SOX5: variants seen among roughly 807,000 people sequenced by gnomAD.
The protein encoded by SOX5 is SRY-box transcription factor 5.
SOX5 carries 9 observed loss-of-function variants against 92.0 expected under a neutral mutation model. The observed-to-expected ratio is 0.10, with a 90% CI of 0.06 to 0.17. The LOEUF (loss-of-function observed/expected upper bound fraction) is 0.17, where lower values mean the gene tolerates loss of function less well. Among genes scored for constraint, SOX5 ranks in the 10% least tolerant of loss-of-function variants. The pLI, the probability that SOX5 is intolerant of heterozygous loss-of-function variation, is 1.00. For synonymous variants in SOX5, 344 were observed against 336.3 expected (o/e 1.02, Z -0.25); for missense variants, 642 against 944.5 (o/e 0.68, Z 4.20).
chr12:24,327,672 C>T lies in SOX5; in HGVS notation c.-174+40891G>A, dbSNP rs571421029. 5.3e-5 allele frequency among the ~76,000 whole-genome samples: 8 copies of T among 152,084 alleles called. No homozygotes were observed. The South Asian group carries it at 1.7e-3, about 32-fold the overall frequency. The stretch of plus-strand genomic sequence containing the variant: ...ATTCTCCGCTCACTGCAAACTCTGC[C>T]TCCTGGGTTCACGCTATTCTCCTGC... On this transcript the variant is annotated intron_variant, in intron 2 of 4. Coordinates refer to the SOX5 transcript ENST00000446891.
intron 4 of SOX5, among the ~76,000 whole-genome samples, chr12:24,094,815 C>A (rs895701471): frequency 3.9e-5 from 6 of 152,070 alleles, no homozygotes; most frequent in African/African-American, 1.4e-4. Flanking sequence ...ACTCTCAATT[C>A]TTCCCTACTC....
chr12:23,896,803 C>T (rs2097182745), intron 1 of SOX5, among the ~76,000 whole-genome samples: 1 of 150,196 alleles, frequency 6.7e-6, no homozygotes, highest in South Asian at 2.1e-4. Flanking sequence ...ATAATTCTGA[C>T]TTATTTATCC....
intron 4 of SOX5, among the ~76,000 whole-genome samples, chr12:24,079,734 C>A (rs942442010): frequency 2.0e-4 from 30 of 151,962 alleles, no homozygotes; most frequent in African/African-American, 7.2e-4. Context: ...CTAAGGAGAT[C>A]AATCAGTCCT....
chr12:24,392,166 A>G (rs1389863752), intron 1 of SOX5, among the ~76,000 whole-genome samples: 1 of 152,166 alleles, frequency 6.6e-6, no homozygotes, highest in Non-Finnish European at 1.5e-5. Flanking sequence ...CTCTAGTGCA[A>G]GCTTAAAGTC....
intron 4 of SOX5, among the ~76,000 whole-genome samples, chr12:24,186,359 A>G (rs1956013994): frequency 6.6e-6 from 1 of 152,182 alleles, no homozygotes; most frequent in Non-Finnish European, 1.5e-5. Flanking sequence ...GAAAGTCATC[A>G]AAGCCTTTAC....
intron 1 of SOX5, among the ~76,000 whole-genome samples, chr12:24,512,367 A>T (rs762086551): frequency 3.3e-5 from 5 of 152,260 alleles, no homozygotes; most frequent in Non-Finnish European, 7.3e-5. Context: ...AATTAAGCAC[A>T]GAATCCTATC....
chr12:23,982,244 C>G (rs1212102116), intron 4 of SOX5, among the ~76,000 whole-genome samples: 2 of 152,180 alleles, frequency 1.3e-5, no homozygotes, highest in Non-Finnish European at 2.9e-5. Context: ...AAATGACTTT[C>G]TCTGCTTCAG....
At chr12:23,739,651 T>C (rs538735056) in intron 5 of SOX5, among the ~76,000 whole-genome samples, 1 of 152,272 alleles carries the variant, frequency 6.6e-6, no homozygotes, top group South Asian at 2.1e-4. Flanking sequence ...CTACCCTTAG[T>C]TCCTTTCTGC....
At chr12:23,814,520 T>G (rs565359899) in intron 3 of SOX5, among the ~76,000 whole-genome samples, 1 of 152,336 alleles carries the variant, frequency 6.6e-6, no homozygotes, top group African/African-American at 2.4e-5. Context: ...GCTTATTTCA[T>G]AAAAGTTGAC....
intron 4 of SOX5, among the ~76,000 whole-genome samples, chr12:24,102,419 T>A (rs1016495601): frequency 2.0e-5 from 3 of 152,164 alleles, no homozygotes; most frequent in Admixed American, 6.6e-5. Context: ...AGAATAAGTA[T>A]AGGAAATGAC....
chr12:23,861,097 G>C (rs1298967484), intron 2 of SOX5, among the ~76,000 whole-genome samples: 1 of 151,956 alleles, frequency 6.6e-6, no homozygotes, highest in Non-Finnish European at 1.5e-5. Context: ...AGTTACTCCA[G>C]GAAGACTAAA....
At chr12:23,649,005 A>T (rs2081223624) in intron 7 of SOX5, among the ~76,000 whole-genome samples, 1 of 152,186 alleles carries the variant, frequency 6.6e-6, no homozygotes, top group African/African-American at 2.4e-5. Context: ...CCCAACACAT[A>T]AACACAATTA....
At chr12:23,749,648 A>T (rs1484164404) in intron 4 of SOX5, among the ~76,000 whole-genome samples, 1 of 151,940 alleles carries the variant, frequency 6.6e-6, no homozygotes, top group African/African-American at 2.4e-5. Flanking sequence ...TTACCTTTTT[A>T]AAAAAGTATT....
intron 3 of SOX5, among the ~76,000 whole-genome samples, chr12:24,224,931 A>G (rs1462592213): frequency 6.6e-6 from 1 of 151,922 alleles, no homozygotes; most frequent in African/African-American, 2.4e-5. Flanking sequence ...CAGGGTGCTC[A>G]CTCTCTCTTT....
chr12:23,950,159 A>G (rs183737335), upstream of SOX5, among the ~76,000 whole-genome samples: 3 of 152,242 alleles, frequency 2.0e-5, no homozygotes, highest in Admixed American at 1.3e-4. Flanking sequence ...TTATTAACTA[A>G]TTAAGCAAAA....
chr12:24,460,087 T>C (rs1457470448), intron 1 of SOX5, among the ~76,000 whole-genome samples: 1 of 152,210 alleles, frequency 6.6e-6, no homozygotes, highest in Admixed American at 6.5e-5. Context: ...TCTGTATTGA[T>C]ATCAGAAAAG....
At chr12:24,212,895 C>T (rs1291246076) in intron 4 of SOX5, among the ~76,000 whole-genome samples, 2 of 152,114 alleles carry the variant, frequency 1.3e-5, no homozygotes, top group African/African-American at 4.8e-5. Flanking sequence ...TAGAGGTGGA[C>T]ACCAGCACAG....
chr12:23,732,070 A>AT lies in SOX5; in HGVS notation c.810+2613dup, dbSNP rs543643787. Reference sequence around the variant, plus strand: ...TTTGTGAGCATTCAATTATATATCCATTTTTAATTAAAATAAATCTTATAA... The same window carrying AT: ...TTTGTGAGCATTCAATTATATATCCATTTTTTAATTAAAATAAATCTTATAA... On this transcript the variant is annotated intron_variant, in intron 6 of 14. Coordinates refer to ENST00000451604, the MANE Select transcript of SOX5 (RefSeq NM_006940.6). 5.1e-3 allele frequency among the ~76,000 whole-genome samples: 779 copies of AT among 152,294 alleles called. 7 individuals are homozygous for AT. Among genetic ancestry groups the AT allele is most frequent in the South Asian group, 0.019 (92 of 4,818 alleles).
At chr12:23,838,394 T>C (rs1223859466) in intron 3 of SOX5, among the ~76,000 whole-genome samples, 1 of 151,812 alleles carries the variant, frequency 6.6e-6, no homozygotes, top group African/African-American at 2.4e-5. Context: ...GTTCTTGTCA[T>C]AGCAAATTCT....
Sources: gnomAD v4.1 joint callset for allele counts (sites outside exome capture counted in the v4.1 genomes callset) on GRCh38, gnomAD v4.1.1 for gene constraint, MANE v1.5 for transcripts, NCBI Gene and HGNC (gene_info 2026-07-23, HGNC 2026-07-21) for gene names.